NCKAP5: variants seen among roughly 807,000 people sequenced by gnomAD.
The protein encoded by NCKAP5 is NCK associated protein 5, also known as nck-associated protein 5.
In NCKAP5, 92 loss-of-function variants were observed where a neutral mutation model predicts 167.0. The observed-to-expected ratio is 0.55, with a 90% confidence interval of 0.47 to 0.66. NCKAP5 has a LOEUF of 0.66. NCKAP5 is among the 30% of genes least tolerant of loss of function. The probability of loss-of-function intolerance (pLI) is 0.00; values close to 1 mark genes in which losing one functional copy is unlikely to be tolerated. For synonymous variants in NCKAP5, 891 were observed against 877.4 expected (o/e 1.02, Z -0.27); for missense variants, 2,378 against 2,315.0 (o/e 1.03, Z -0.56).
intron 3 of NCKAP5, among the ~76,000 whole-genome samples, chr2:133,465,094 G>A (rs1412323240): frequency 6.6e-6 from 1 of 151,316 alleles, no homozygotes; most frequent in Non-Finnish European, 1.5e-5. Flanking sequence ...TGCCATGCTG[G>A]TGTGCTGTAC....
intron 11 of NCKAP5, among the ~76,000 whole-genome samples, chr2:132,821,065 A>G (rs751875787): frequency 2.0e-5 from 3 of 152,220 alleles, no homozygotes; most frequent in Non-Finnish European, 4.4e-5. Flanking sequence ...ATGGATGGAT[A>G]TAACAGTGTG....
intron 6 of NCKAP5, among the ~76,000 whole-genome samples, chr2:133,008,286 T>C (rs983830778): frequency 1.3e-5 from 2 of 152,172 alleles, no homozygotes; most frequent in African/African-American, 2.4e-5. Context: ...TCATGCCAAA[T>C]TGATCGCCAG....
At chr2:133,630,487 G>A in the NCKAP5 span, among the ~76,000 whole-genome samples, 4 of 152,068 alleles carry the variant, frequency 2.6e-5, no homozygotes, top group African/African-American at 7.2e-5. Context: ...AATAGCTAAC[G>A]TGTGCAGGGC....
At chr2:133,387,422 G>A (rs942081918) in intron 3 of NCKAP5, among the ~76,000 whole-genome samples, 1 of 152,230 alleles carries the variant, frequency 6.6e-6, no homozygotes, top group Non-Finnish European at 1.5e-5. Context: ...TCAGCTGTTA[G>A]TCTGATGGGC....
At chr2:132,952,790 C>T (rs1034650194) in intron 8 of NCKAP5, among the ~76,000 whole-genome samples, 2 of 152,202 alleles carry the variant, frequency 1.3e-5, no homozygotes, top group African/African-American at 2.4e-5. Flanking sequence ...ACTCCAAAGG[C>T]GTTTCTTCTG....
chr2:133,259,400 T>C (rs2088793790), intron 4 of NCKAP5, among the ~76,000 whole-genome samples: 1 of 152,240 alleles, frequency 6.6e-6, no homozygotes, highest in South Asian at 2.1e-4. Flanking sequence ...ATATTATAAC[T>C]AATTACTATG....
intron 8 of NCKAP5, among the ~76,000 whole-genome samples, chr2:132,883,372 C>T (rs1691943650): frequency 6.6e-6 from 1 of 152,136 alleles, no homozygotes; most frequent in Non-Finnish European, 1.5e-5. Flanking sequence ...TTCACACAGG[C>T]TTCTTCCACC....
At chr2:133,137,721 G>A (rs1039345061) in intron 5 of NCKAP5, among the ~76,000 whole-genome samples, 4 of 152,140 alleles carry the variant, frequency 2.6e-5, no homozygotes, top group Non-Finnish European at 4.4e-5. Flanking sequence ...TTTTTCCAGG[G>A]TGGGTTGTGA....
At position 133,261,464 on chromosome 2, in the gene NCKAP5, G is replaced by C. The variant is rs75842233; in HGVS notation, c.143+41573C>G. ...ACTGCTGTCTTTGAAAAGGTCCAAA[G>C]ATATAGTATGTTTCTGACACAGACC... On this transcript the variant is annotated intron_variant, in intron 4 of 19. Transcript: ENST00000409261. Among the ~76,000 whole-genome samples, 421 of 152,254 alleles carry C rather than the reference G, an allele frequency of 2.8e-3. 2 individuals are homozygous for C. The highest frequency in any genetic ancestry group is 8.8e-3 in the African/African-American group (367 of 41,550).
intron 16 of NCKAP5, among the ~76,000 whole-genome samples, chr2:132,765,025 A>T (rs1446611387): frequency 6.6e-6 from 1 of 152,208 alleles, no homozygotes; most frequent in Non-Finnish European, 1.5e-5. Flanking sequence ...GTCCTATTTA[A>T]TTTTAGGGAA....
At chr2:133,310,785 C>G (rs1392405315) in intron 3 of NCKAP5, among the ~76,000 whole-genome samples, 1 of 152,178 alleles carries the variant, frequency 6.6e-6, no homozygotes, top group Non-Finnish European at 1.5e-5. Context: ...AATTAATTGT[C>G]TGGATGTAAC....
At chr2:133,262,199 C>A (rs181949201) in intron 4 of NCKAP5, among the ~76,000 whole-genome samples, 5 of 152,086 alleles carry the variant, frequency 3.3e-5, no homozygotes, top group Admixed American at 2.6e-4. Flanking sequence ...CATAAACTGG[C>A]CCCAAATCAC....
At chr2:133,534,204 T>G (rs1685579576) in intron 2 of NCKAP5, among the ~76,000 whole-genome samples, 1 of 152,196 alleles carries the variant, frequency 6.6e-6, no homozygotes, top group South Asian at 2.1e-4. Context: ...TTTCTTAACC[T>G]CACATATAGA....
At chr2:133,044,818 T>G (rs866029239) in intron 6 of NCKAP5, among the ~76,000 whole-genome samples, 2 of 152,256 alleles carry the variant, frequency 1.3e-5, no homozygotes, top group Middle Eastern at 3.4e-3. Flanking sequence ...GCCTGTAATC[T>G]AATCCCAGCA....
intron 4 of NCKAP5, among the ~76,000 whole-genome samples, chr2:133,218,340 G>A (rs1054898428): frequency 2.0e-5 from 3 of 152,074 alleles, no homozygotes; most frequent in African/African-American, 7.2e-5. Context: ...TTAACGTCTG[G>A]CTTAATAGAA....
At chr2:132,868,466 G>C (rs760955182) in intron 10 of NCKAP5, among the ~76,000 whole-genome samples, 8 of 152,106 alleles carry the variant, frequency 5.3e-5, no homozygotes, top group Non-Finnish European at 1.2e-4. Context: ...GCTTCCTTTT[G>C]TAGGGTCACC....
rs187391565 is a variant in NCKAP5 at position 133,044,465 on chromosome 2, A to G, written c.342-50226T>C. ...GAGGTACTTTAAATAAAGGGCCCATAAACATGTAATAAGATGGTCAGCTCC... is the reference window on the plus strand; with the variant it reads ...GAGGTACTTTAAATAAAGGGCCCATGAACATGTAATAAGATGGTCAGCTCC... On this transcript the variant is annotated intron_variant, in intron 6 of 19. Transcript: ENST00000409261. Among the ~76,000 whole-genome samples the G allele has an allele frequency of 3.1e-3, 467 of 152,292 alleles. 5 individuals carry two copies. The highest frequency in any genetic ancestry group is 0.011 in the African/African-American group (448 of 41,572).
At chr2:132,718,877 C>T (rs563366418) in intron 19 of NCKAP5, among the ~76,000 whole-genome samples, 1 of 152,126 alleles carries the variant, frequency 6.6e-6, no homozygotes, top group Non-Finnish European at 1.5e-5. Context: ...AATGTGCAAA[C>T]AAACAGGTAA....
At chr2:133,537,777 C>G (rs1054025537) in intron 2 of NCKAP5, among the ~76,000 whole-genome samples, 2 of 151,992 alleles carry the variant, frequency 1.3e-5, no homozygotes, top group African/African-American at 2.4e-5. Context: ...GGGTTGTATA[C>G]AGTATATCTG....
Sources: allele counts gnomAD v4.1 joint callset (sites outside exome capture counted in the v4.1 genomes callset), GRCh38; gene constraint gnomAD v4.1.1; transcripts MANE v1.5; gene names NCBI Gene and HGNC (gene_info 2026-07-23, HGNC 2026-07-21).